The following PXDNL variants were observed in gnomAD, a reference collection of about 807,000 sequenced individuals.
PXDNL encodes probable oxidoreductase PXDNL.
In PXDNL, 145 loss-of-function variants were observed where a neutral mutation model predicts 150.8. The observed-to-expected ratio is 0.96, with a 90% CI of 0.84 to 1.10. The LOEUF (loss-of-function observed/expected upper bound fraction) is 1.10, where lower values mean the gene tolerates loss of function less well. Among genes scored for constraint, PXDNL ranks in the 50% least tolerant of loss-of-function variants. The pLI is 0.00. For missense variants in PXDNL, 2,087 were observed against 1,873.9 expected, an observed-to-expected ratio of 1.11 and a Z score of -2.10; for synonymous variants, 757 against 725.7, an observed-to-expected ratio of 1.04 and a Z score of -0.69.
chr8:51,624,099 C>CAAAAAA (rs59841822), intron 2 of PXDNL, among the ~76,000 whole-genome samples: 5 of 79,576 alleles, frequency 6.3e-5, no homozygotes, highest in Non-Finnish European at 9.2e-5. Context: ...TCTCAAATTA[C>CAAAAAA]AAAAAAAAAA....
intron 1 of PXDNL, among the ~76,000 whole-genome samples, chr8:51,719,017 G>A (rs1027584005): frequency 7.3e-5 from 11 of 151,608 alleles, no homozygotes; most frequent in Non-Finnish European, 1.5e-4. Context: ...TCGGCCAGCC[G>A]CCCCGTCCGG....
rs188938270 is a variant in PXDNL at position 51,778,293 on chromosome 8, A to G, written c.164+30888T>C. On this transcript the variant is annotated intron_variant, in intron 1 of 22. Transcript: ENST00000356297. Reference sequence around the variant, plus strand: ...AGAATCTGTCTCAAAAAAAAAATCAATAAATTAATAAATAAACAAAACCAG... The same window carrying G: ...AGAATCTGTCTCAAAAAAAAAATCAGTAAATTAATAAATAAACAAAACCAG... 2.2e-3 allele frequency among the ~76,000 whole-genome samples: 319 copies of G among 146,902 alleles called. 3 individuals are homozygous for G. Among genetic ancestry groups the G allele is most frequent in the Admixed American group, 0.02 (298 of 14,678 alleles).
At chr8:51,786,262 G>A (rs1169439646) in intron 1 of PXDNL, among the ~76,000 whole-genome samples, 1 of 151,866 alleles carries the variant, frequency 6.6e-6, no homozygotes, top group Non-Finnish European at 1.5e-5. Context: ...CGGCTGGAGT[G>A]CAGTAGCACA....
intron 3 of PXDNL, among the ~76,000 whole-genome samples, chr8:51,558,786 GAT>G (rs1274236926): frequency 6.6e-6 from 1 of 152,052 alleles, no homozygotes; most frequent in Non-Finnish European, 1.5e-5. Context: ...ATGAATTCCA[GAT>G]ATGTTACTAC....
intron 5 of PXDNL, among the ~76,000 whole-genome samples, chr8:51,495,129 C>T (rs1811013673): frequency 6.6e-6 from 1 of 151,884 alleles, no homozygotes; most frequent in Non-Finnish European, 1.5e-5. Context: ...AAGAAACTCA[C>T]TCAAAACCAC....
In PXDNL at chr8:51,592,616, T is replaced by G; in HGVS notation, c.308+11A>C. ...CACCATAAGGCATTGTTGTTTTTTCTTATAACTTACAGATATAGCAAATTT... is the reference window on the plus strand; with the variant it reads ...CACCATAAGGCATTGTTGTTTTTTCGTATAACTTACAGATATAGCAAATTT... On this transcript the variant is annotated intron_variant, in intron 3 of 22. Transcript: ENST00000356297. The G allele has an allele frequency of 6.6e-7, 1 of 1,526,458 alleles. No homozygotes were observed. The highest frequency in any genetic ancestry group is 8.9e-7 in the Non-Finnish European group (1 of 1,129,800). 94.6% of individuals were successfully genotyped at this position (1,526,458 alleles called of 1,614,324 possible).
rs180746679 is a variant in PXDNL, at chr8:51,385,280, C to T, written c.3558-10549G>A. On this transcript the variant is annotated intron_variant, in intron 17 of 22. Transcript: ENST00000356297. Reference sequence around the variant, plus strand: ...ATCAAGTGTTAAAGACACACAGTCTCCAGGTGAGACTCCCTACATCATAAC... The same window carrying T: ...ATCAAGTGTTAAAGACACACAGTCTTCAGGTGAGACTCCCTACATCATAAC... Among the ~76,000 whole-genome samples, 8 of 152,002 alleles carry T rather than the reference C, an allele frequency of 5.3e-5. No individual in the cohort carries two copies. The East Asian group carries it at 1.4e-3, about 26-fold the overall frequency.
At chr8:51,346,669 G>A (rs1806170113) in intron 19 of PXDNL, among the ~76,000 whole-genome samples, 1 of 152,144 alleles carries the variant, frequency 6.6e-6, no homozygotes, top group Admixed American at 6.5e-5. Context: ...CATAGTGAGT[G>A]AGTTCTTGGA....
intron 15 of PXDNL, among the ~76,000 whole-genome samples, chr8:51,411,703 G>T (rs930145330): frequency 6.6e-6 from 1 of 152,034 alleles, no homozygotes; most frequent in African/African-American, 2.4e-5. Context: ...TGGGGGGGTC[G>T]GTTGATGAAT....
intron 3 of PXDNL, among the ~76,000 whole-genome samples, chr8:51,561,781 T>C (rs1331006895): frequency 6.6e-6 from 1 of 151,934 alleles, no homozygotes; most frequent in Non-Finnish European, 1.5e-5. Flanking sequence ...GATTAAAAGG[T>C]TCTGGAGATT....
intron 3 of PXDNL, among the ~76,000 whole-genome samples, chr8:51,557,676 C>T (rs10098196): frequency 0.28 from 42,597 of 151,968 alleles, 7,571 homozygotes; most frequent in African/African-American, 0.5. Context: ...ATCAGAATCA[C>T]CTGGTGGTTT....
At chr8:51,562,284 T>A (rs1480276071) in intron 3 of PXDNL, among the ~76,000 whole-genome samples, 1 of 151,908 alleles carries the variant, frequency 6.6e-6, no homozygotes, top group South Asian at 2.1e-4. Flanking sequence ...AAATATTATG[T>A]TACTTTTTAT....
In PXDNL at chr8:51,333,512, A is replaced by C. The variant is rs142679427; in HGVS notation, c.4146+6112T>G. 2.6e-4 allele frequency among the ~76,000 whole-genome samples: 39 copies of C among 152,372 alleles called. No homozygotes were observed. In the East Asian group the frequency reaches 7.1e-3, roughly 28 times the overall value. On this transcript the variant is annotated intron_variant, in intron 21 of 22. Transcript: ENST00000356297. ...ACCTCACATTTCAATACTAACATTG[A>C]ATGTAAATGTACTCAATGCTCCACT...
chr8:51,520,919 A>G (rs1177848875), intron 4 of PXDNL, among the ~76,000 whole-genome samples: 1 of 152,192 alleles, frequency 6.6e-6, no homozygotes, highest in Non-Finnish European at 1.5e-5. Flanking sequence ...TCATACAGGG[A>G]ATTTAAAAAA....
intron 1 of PXDNL, among the ~76,000 whole-genome samples, chr8:51,731,443 C>T (rs186707305): frequency 5.8e-4 from 88 of 152,244 alleles, no homozygotes; most frequent in Non-Finnish European, 9.1e-4. Flanking sequence ...GGTACAGCCC[C>T]CTCCTGGTTG....
intron 1 of PXDNL, among the ~76,000 whole-genome samples, chr8:51,747,659 G>A (rs982178519): frequency 6.6e-6 from 1 of 152,202 alleles, no homozygotes; most frequent in Non-Finnish European, 1.5e-5. Flanking sequence ...CAATGCTCCA[G>A]CTGTCCAGAA....
At chr8:51,336,575 TC>T (rs1805835616) in intron 21 of PXDNL, among the ~76,000 whole-genome samples, 1 of 152,184 alleles carries the variant, frequency 6.6e-6, no homozygotes, top group Admixed American at 6.5e-5. Flanking sequence ...CTTTGGGTGC[TC>T]CCCACTCTAC....
Position 51,426,704 on chromosome 8 carries a change from T to C in PXDNL, c.1580A>G (p.Asn527Ser). Reference sequence around the variant, plus strand: ...TTGAGCATGACATGAAATGTTTATATTCTTTCCAACCTCGACACTTGTATC... The same window carrying C: ...TTGAGCATGACATGAAATGTTTATACTCTTTCCAACCTCGACACTTGTATC... ...PQDTSVEVGK[N>S]INISCHAQGE... The change falls in exon 13 of 23, where the codon AAT becomes AGT. Residue 527 changes from asparagine to serine, a missense_variant. Physicochemically the swap from Asn to Ser is conservative, Grantham distance 46. Coordinates refer to ENST00000356297, the MANE Select transcript of PXDNL (RefSeq NM_144651.5). The C allele has an allele frequency of 6.2e-7, 1 of 1,608,962 alleles. No homozygotes were observed. Among genetic ancestry groups the C allele is most frequent in the Non-Finnish European group, 8.5e-7 (1 of 1,177,190 alleles).
chr8:51,410,853 A>G (rs568658758), intron 16 of PXDNL, among the ~76,000 whole-genome samples: 1 of 152,358 alleles, frequency 6.6e-6, no homozygotes, highest in East Asian at 1.9e-4. Context: ...TAAATATTAT[A>G]AGTGGTAGAA....
Sources: gnomAD v4.1 joint callset for allele counts (sites outside exome capture counted in the v4.1 genomes callset) on GRCh38, gnomAD v4.1.1 for gene constraint, MANE v1.5 for transcripts, NCBI Gene and HGNC (gene_info 2026-07-23, HGNC 2026-07-21) for gene names.